The following CTSC variants were observed in gnomAD, a reference collection of about 807,000 sequenced individuals.
CTSC encodes cathepsin C, also known as dipeptidyl peptidase 1.
CTSC carries 37 observed loss-of-function variants against 40.9 expected under a neutral mutation model. The observed-to-expected ratio is 0.91, with a 90% CI of 0.70 to 1.19. The LOEUF (loss-of-function observed/expected upper bound fraction) is 1.19. CTSC is among the 50% of genes most tolerant of loss of function. The pLI is 0.00. For synonymous variants in CTSC, 232 were observed against 207.4 expected (o/e 1.12, Z -1.02); for missense variants, 594 against 567.3 (o/e 1.05, Z -0.48).
chr11:88,309,117 T>C (rs371592681), intron 4 of CTSC, 46 bp downstream of exon 4: 213 of 1,565,670 alleles, frequency 1.4e-4, no homozygotes, highest in Non-Finnish European at 1.8e-4. Context: ...GAGGATGGTA[T>C]TCAGCATTCA....
chr11:88,336,990 T>C (rs1420732824), intron 1 of CTSC, among the ~76,000 whole-genome samples: 1 of 152,174 alleles, frequency 6.6e-6, no homozygotes, highest in Non-Finnish European at 1.5e-5. Flanking sequence ...AGAGTGGTAC[T>C]AGCCGTTTTC....
intron 2 of CTSC, among the ~76,000 whole-genome samples, chr11:88,314,695 T>G (rs1937837569): frequency 6.6e-6 from 1 of 152,042 alleles, no homozygotes; most frequent in African/African-American, 2.4e-5. Flanking sequence ...GCCTGGCTAA[T>G]TTTTGTATTT....
intron 2 of CTSC, among the ~76,000 whole-genome samples, chr11:88,330,535 G>A (rs1394194417): frequency 6.6e-6 from 1 of 151,952 alleles, no homozygotes; most frequent in Non-Finnish European, 1.5e-5. Flanking sequence ...TTTTAGTAGA[G>A]ACGGGGTTTC....
chr11:88,293,992 C>CT lies in CTSC; in HGVS notation c.*13dup, dbSNP rs1204552858. The CT allele has an allele frequency of 3.1e-6, 5 of 1,613,522 alleles. No homozygotes were observed. In the South Asian group the frequency reaches 5.5e-5, roughly 18 times the overall value. On this transcript the variant is annotated 3_prime_UTR_variant, in exon 7 of 7. Transcript: ENST00000227266. Reference sequence around the variant, plus strand: ...AACTGATGCAGATCATTATGAAATACTGGAAGGCATACCCTACAATTTAGG... The same window carrying CT: ...AACTGATGCAGATCATTATGAAATACTTGGAAGGCATACCCTACAATTTAGG...
At chr11:88,304,761 C>T (rs2134776859) in intron 4 of CTSC, among the ~76,000 whole-genome samples, 1 of 152,300 alleles carries the variant, frequency 6.6e-6, no homozygotes, top group Admixed American at 6.5e-5. Context: ...GACCTCTGGT[C>T]TTCCTCACTG....
chr11:88,294,893 T>C (rs942373779), intron 6 of CTSC, among the ~76,000 whole-genome samples: 2 of 152,216 alleles, frequency 1.3e-5, no homozygotes, highest in Non-Finnish European at 2.9e-5. Context: ...CATGTAAAAA[T>C]AGCAAAAGTT....
In CTSC at chr11:88,309,186, A is replaced by C. The variant is rs1170118062; in HGVS notation, c.618T>G (p.Gly206=). Residue 206 remains glycine, a synonymous_variant, in exon 4 of 7, where the codon GGT becomes GGG. Transcript: ENST00000227266. ...LTLGDMIRRS[G]GHSRKIPRPK... ...ACCTTGGGATTTTTCGACTGTGGCC[A>C]CCACTTCTCCTAATCATATCTCCCA... The C allele has an allele frequency of 7.4e-6, 12 of 1,614,040 alleles. No individual in the cohort carries two copies. Among genetic ancestry groups the C allele is most frequent in the Non-Finnish European group, 1.0e-5 (12 of 1,179,950 alleles).
chr11:88,295,536 C>T (rs897883049), intron 6 of CTSC, among the ~76,000 whole-genome samples: 5 of 151,934 alleles, frequency 3.3e-5, no homozygotes, highest in Admixed American at 2.0e-4. Flanking sequence ...CACACCACCA[C>T]GCCCAGCTAA....
chr11:88,330,856 A>T (rs879751167), intron 2 of CTSC, among the ~76,000 whole-genome samples: 2 of 152,198 alleles, frequency 1.3e-5, no homozygotes, highest in Non-Finnish European at 2.9e-5. Context: ...AATCATAAAA[A>T]ATGTTTCTCT....
chr11:88,330,870 A>G (rs1938334565), intron 2 of CTSC, among the ~76,000 whole-genome samples: 1 of 152,236 alleles, frequency 6.6e-6, no homozygotes, highest in African/African-American at 2.4e-5. Flanking sequence ...TTTCTCTTTC[A>G]GATAAGCCCT....
chr11:88,294,694 AACAGATATCT>A (rs1254058221), intron 6 of CTSC, among the ~76,000 whole-genome samples, 186 bp from the exon 7 acceptor site: 1 of 152,206 alleles, frequency 6.6e-6, no homozygotes. Flanking sequence ...CCTTCTACTT[AACAGATATCT>A]ACTTAGCACC....
At position 88,327,103 on chromosome 11, in the gene CTSC, A is replaced by G. The variant is rs555179604; in HGVS notation, c.318+7834T>C. Among the ~76,000 whole-genome samples, 39 of 152,356 alleles carry G rather than the reference A, an allele frequency of 2.6e-4. No individual in the cohort carries two copies. The South Asian group carries it at 8.1e-3, about 32-fold the overall frequency. Reference sequence around the variant, plus strand: ...AAACTATTTAATACATTCTATATTTATTCAACTACCAGAAAGAACTGAGAA... The same window carrying G: ...AAACTATTTAATACATTCTATATTTGTTCAACTACCAGAAAGAACTGAGAA... On this transcript the variant is annotated intron_variant, in intron 2 of 6. Transcript: ENST00000227266.
At chr11:88,303,178 CAA>C in intron 4 of CTSC, among the ~76,000 whole-genome samples, 1 of 152,244 alleles carries the variant, frequency 6.6e-6, no homozygotes, top group East Asian at 1.9e-4. Context: ...ACTGTCAACA[CAA>C]AAGACTTCTG....
At position 88,326,508 on chromosome 11, in the gene CTSC, C is replaced by G. The variant is rs545761285; in HGVS notation, c.318+8429G>C. On this transcript the variant is annotated intron_variant, in intron 2 of 6. Coordinates refer to ENST00000227266, the MANE Select transcript of CTSC (RefSeq NM_001814.6). ...ATCATATTGTCTCTTAATATTTAAT[C>G]ATATCAGTTTCTTTAAGTAAAAAAA... 48 of 951,998 alleles carry G rather than the reference C, an allele frequency of 5.0e-5. 1 individual carries two copies. The South Asian group carries it at 6.4e-4, about 13-fold the overall frequency. 59.0% of individuals were successfully genotyped at this position (951,998 alleles called of 1,614,324 possible).
At chr11:88,327,083 A>G (rs867401378) in intron 2 of CTSC, among the ~76,000 whole-genome samples, 7 of 152,248 alleles carry the variant, frequency 4.6e-5, no homozygotes, top group African/African-American at 1.7e-4. Context: ...AAAGAAAACT[A>G]TTTAATACAT....
At chr11:88,312,657 A>T in intron 2 of CTSC, 103 bp from the exon 3 acceptor site, 1 of 1,278,194 alleles carries the variant, frequency 7.8e-7, no homozygotes, top group Non-Finnish European at 1.1e-6. Flanking sequence ...CTTTCAAAAC[A>T]AAAACTTCAC....
At chr11:88,326,484 T>A in intron 2 of CTSC, 1 of 1,241,408 alleles carries the variant, frequency 8.1e-7, no homozygotes, top group South Asian at 1.2e-5. Context: ...CCAACAAGGA[T>A]CATATTGTCT....
intron 4 of CTSC, among the ~76,000 whole-genome samples, chr11:88,301,611 G>A (rs979042878): frequency 6.6e-6 from 1 of 152,096 alleles, no homozygotes; most frequent in African/African-American, 2.4e-5. Flanking sequence ...GACTAGCTCC[G>A]TAAACAACAG....
chr11:88,308,213 C>G (rs547047754), intron 4 of CTSC, among the ~76,000 whole-genome samples: 66 of 152,200 alleles, frequency 4.3e-4, no homozygotes, highest in Non-Finnish European at 8.2e-4. Flanking sequence ...GAAGTCATTT[C>G]GGCTACAGTT....
Sources: gnomAD v4.1 joint callset for allele counts (sites outside exome capture counted in the v4.1 genomes callset) on GRCh38, gnomAD v4.1.1 for gene constraint, MANE v1.5 for transcripts, NCBI Gene and HGNC (gene_info 2026-07-23, HGNC 2026-07-21) for gene names.